The following KCTD16 variants were observed in gnomAD, a reference collection of about 807,000 sequenced individuals.
KCTD16 encodes the protein potassium channel tetramerization domain containing 16, also known as BTB/POZ domain-containing protein KCTD16.
In KCTD16, 13 loss-of-function variants were observed where a neutral mutation model predicts 33.2. The observed-to-expected ratio is 0.39, with a 90% CI of 0.25 to 0.62. The LOEUF (loss-of-function observed/expected upper bound fraction) is 0.62, where lower values mean the gene tolerates loss of function less well. KCTD16 is among the 20% of genes least tolerant of loss of function. The pLI is 0.50. For missense variants in KCTD16, 441 were observed against 525.1 expected (o/e 0.84, Z 1.57); for synonymous variants, 197 against 195.3 (o/e 1.01, Z -0.07).
chr5:144,322,954 A>G (rs184099573), intron 3 of KCTD16, among the ~76,000 whole-genome samples: 2 of 152,294 alleles, frequency 1.3e-5, no homozygotes, highest in East Asian at 3.9e-4. Flanking sequence ...CAAAGGAAAT[A>G]GAATGATATA....
chr5:144,188,051 C>T (rs1752764892), intron 2 of KCTD16, among the ~76,000 whole-genome samples: 1 of 152,100 alleles, frequency 6.6e-6, no homozygotes, highest in African/African-American at 2.4e-5. Flanking sequence ...TTGTTTTTCA[C>T]CAGGGTTGGC....
At chr5:144,217,166 C>A (rs1374533463) in intron 3 of KCTD16, among the ~76,000 whole-genome samples, 1 of 152,208 alleles carries the variant, frequency 6.6e-6, no homozygotes, top group Admixed American at 6.5e-5. Flanking sequence ...TTGAAAAGCA[C>A]ATCAAGCACT....
intron 3 of KCTD16, among the ~76,000 whole-genome samples, chr5:144,246,550 C>A (rs1057485796): frequency 6.6e-6 from 1 of 152,090 alleles, no homozygotes; most frequent in African/African-American, 2.4e-5. Flanking sequence ...GTTTTAAATA[C>A]TTGTTGTGTG....
chr5:144,387,837 C>G (rs1580923023), intron 3 of KCTD16, among the ~76,000 whole-genome samples: 1 of 152,240 alleles, frequency 6.6e-6, no homozygotes, highest in East Asian at 1.9e-4. Context: ...AGCAACAACC[C>G]TATCATTGAA....
intron 3 of KCTD16, among the ~76,000 whole-genome samples, chr5:144,470,590 A>G (rs1017883755): frequency 7.9e-5 from 12 of 152,356 alleles, no homozygotes; most frequent in African/African-American, 2.6e-4. Flanking sequence ...GGCAAGTAAA[A>G]CAGTCAAATG....
intron 3 of KCTD16, among the ~76,000 whole-genome samples, chr5:144,210,742 G>A (rs1561530585): frequency 6.6e-6 from 1 of 152,120 alleles, no homozygotes; most frequent in African/African-American, 2.4e-5. Flanking sequence ...TATTTCCAGA[G>A]CCATCTTCTG....
intron 3 of KCTD16, among the ~76,000 whole-genome samples, chr5:144,454,230 A>G (rs1754011509): frequency 1.3e-5 from 2 of 152,202 alleles, no homozygotes; most frequent in African/African-American, 4.8e-5. Flanking sequence ...ATCAGTCTTT[A>G]GCTGTTTTAT....
chr5:144,256,416 T>C (rs776964071), intron 3 of KCTD16, among the ~76,000 whole-genome samples: 6 of 152,178 alleles, frequency 3.9e-5, no homozygotes, highest in Non-Finnish European at 5.9e-5. Flanking sequence ...CAAAGTCTGT[T>C]GCTAAGAGAA....
chr5:144,472,764 A>G (rs910297327), intron 3 of KCTD16, among the ~76,000 whole-genome samples: 1 of 152,254 alleles, frequency 6.6e-6, no homozygotes. Flanking sequence ...AGGTATTTAC[A>G]AAGTAGAACT....
intron 3 of KCTD16, among the ~76,000 whole-genome samples, chr5:144,423,559 A>G (rs1448971093): frequency 1.3e-5 from 2 of 152,124 alleles, no homozygotes; most frequent in Non-Finnish European, 2.9e-5. Context: ...TGCTATCTAG[A>G]AGAGAGAGAC....
chr5:144,452,773 TA>T (rs34403827), intron 3 of KCTD16, among the ~76,000 whole-genome samples: 6,627 of 108,824 alleles, frequency 0.061, 196 homozygotes, highest in African/African-American at 0.12. Flanking sequence ...CAAGCAAGAA[TA>T]AAAAAAAAAA....
chr5:144,216,839 G>A (rs1234693024), intron 3 of KCTD16, among the ~76,000 whole-genome samples: 1 of 143,452 alleles, frequency 7.0e-6, no homozygotes, highest in African/African-American at 2.7e-5. Flanking sequence ...GGGAGACTCT[G>A]TCTGGAAAAA....
intron 3 of KCTD16, among the ~76,000 whole-genome samples, chr5:144,456,128 C>G (rs115545430): frequency 0.011 from 1,725 of 152,138 alleles, 15 homozygotes; most frequent in South Asian, 0.04. Context: ...TAACCCTTTT[C>G]TCTAGGTATA....
intron 2 of KCTD16, among the ~76,000 whole-genome samples, chr5:144,201,440 T>C (rs1355238270): frequency 6.6e-6 from 1 of 152,224 alleles, no homozygotes; most frequent in Non-Finnish European, 1.5e-5. Context: ...TCAATTTCTA[T>C]GTTTGGGCAT....
Position 144,207,273 on chromosome 5 carries a change from C to T in KCTD16, c.559C>T (p.Arg187Trp), listed in dbSNP as rs773343153. 20 of 1,614,188 alleles carry T rather than the reference C, an allele frequency of 1.2e-5. No individual in the cohort carries two copies. The highest frequency in any genetic ancestry group is 4.4e-5 in the South Asian group (4 of 91,084). Residue 187 changes from arginine to tryptophan, a missense_variant, in exon 3 of 4, where the codon CGG (arginine) becomes TGG (tryptophan). Physicochemically the swap from Arg to Trp is moderately radical, Grantham distance 101. This residue lies in a region of KCTD16 where 355 missense variants were observed against 413.0 expected (regional missense o/e 0.86). Coordinates refer to ENST00000512467, the MANE Select transcript of KCTD16 (RefSeq NM_020768.4). ...AGAGGGACAGGCAGATGCCAAGTTT[C>T]GGAGAGTTCCCCGGATTTTGGTTTG... ...GREGQADAKF[R>W]RVPRILVCGR...
chr5:144,172,359 A>G (rs1198281458), intron 1 of KCTD16, among the ~76,000 whole-genome samples: 2 of 152,252 alleles, frequency 1.3e-5, no homozygotes, highest in Non-Finnish European at 2.9e-5. Context: ...TAATAATGAA[A>G]TCTGGGTAAT....
intron 3 of KCTD16, among the ~76,000 whole-genome samples, chr5:144,344,460 CA>C (rs536962203): frequency 0.02 from 3,053 of 150,694 alleles, 107 homozygotes; most frequent in African/African-American, 0.07. Context: ...ACTCATCTGA[CA>C]AAGGGCTAAT....
intron 3 of KCTD16, among the ~76,000 whole-genome samples, chr5:144,470,233 A>G (rs757472277): frequency 7.2e-5 from 11 of 152,166 alleles, no homozygotes; most frequent in Non-Finnish European, 1.6e-4. Context: ...CAAGACTTGT[A>G]AGCATATCAC....
chr5:144,344,074 T>C (rs1752718609), intron 3 of KCTD16, among the ~76,000 whole-genome samples: 3 of 152,116 alleles, frequency 2.0e-5, no homozygotes, highest in Admixed American at 2.0e-4. Context: ...AACTATCTGA[T>C]CTTTGACAAA....
Sources: gnomAD v4.1 joint callset for allele counts (sites outside exome capture counted in the v4.1 genomes callset) on GRCh38, gnomAD v4.1.1 for gene constraint, gnomAD v4.1.1 regional missense constraint, MANE v1.5 for transcripts, NCBI Gene and HGNC (gene_info 2026-07-23, HGNC 2026-07-21) for gene names.